KDM4C: variants seen among roughly 807,000 people sequenced by gnomAD.
The protein encoded by KDM4C is lysine demethylase 4C.
Under a neutral mutation model 129.3 loss-of-function variants are expected in KDM4C, and 81 were observed. That is an observed-to-expected ratio of 0.63 (90% CI 0.52 to 0.75). The LOEUF (loss-of-function observed/expected upper bound fraction) is 0.75, where lower values mean the gene tolerates loss of function less well. KDM4C is among the 30% of genes least tolerant of loss of function. The pLI is 0.00. For synonymous variants in KDM4C, 573 were observed against 456.1 expected, an observed-to-expected ratio of 1.26 and a Z score of -3.26; for missense variants, 1,457 against 1,304.0, an observed-to-expected ratio of 1.12 and a Z score of -1.81.
chr9:6,829,839 T>C (rs1834517246), intron 4 of KDM4C, among the ~76,000 whole-genome samples: 1 of 152,328 alleles, frequency 6.6e-6, no homozygotes, highest in African/African-American at 2.4e-5. Flanking sequence ...CAGTTCCTGC[T>C]TTGGGCCTGC....
At chr9:7,123,373 C>T (rs190525090) in intron 18 of KDM4C, among the ~76,000 whole-genome samples, 50 of 152,228 alleles carry the variant, frequency 3.3e-4, no homozygotes, top group African/African-American at 1.2e-3. Flanking sequence ...GCACACCTAG[C>T]CAAAGAAAGA....
chr9:7,047,009 C>G, intron 16 of KDM4C, 92 bp downstream of exon 16: 2 of 892,222 alleles, frequency 2.2e-6, no homozygotes, highest in Non-Finnish European at 3.6e-6. Context: ...TCTCATTGTA[C>G]ACGTGGTTTC....
intron 8 of KDM4C, among the ~76,000 whole-genome samples, chr9:6,913,599 T>G (rs1468085020): frequency 6.6e-6 from 1 of 152,220 alleles, no homozygotes; most frequent in Non-Finnish European, 1.5e-5. Flanking sequence ...CTTGTCCTCC[T>G]GCCCTGTTGG....
intron 1 of KDM4C, among the ~76,000 whole-genome samples, chr9:6,774,432 A>C (rs2130670906): frequency 6.6e-6 from 1 of 152,270 alleles, no homozygotes; most frequent in Admixed American, 6.5e-5. Flanking sequence ...TGGGAGGCCG[A>C]GGTGTGCGAA....
chr9:6,749,684 A>T (rs1304215893), intron 1 of KDM4C, among the ~76,000 whole-genome samples: 1 of 151,922 alleles, frequency 6.6e-6, no homozygotes, highest in Non-Finnish European at 1.5e-5. Flanking sequence ...ATAAAAAAAT[A>T]AAATTAAAAA....
chr9:7,037,805 A>G (rs1352024589), intron 15 of KDM4C, among the ~76,000 whole-genome samples: 3 of 152,148 alleles, frequency 2.0e-5, no homozygotes, highest in South Asian at 2.1e-4. Flanking sequence ...GCTGCCTTAT[A>G]GAGTAATCAT....
intron 6 of KDM4C, among the ~76,000 whole-genome samples, chr9:6,885,620 CAAAA>C (rs35373004): frequency 1.5e-5 from 2 of 135,804 alleles, no homozygotes; most frequent in African/African-American, 2.6e-5. Context: ...TTAAAAAAGA[CAAAA>C]AAAAAAAAAA....
At position 6,794,755 on chromosome 9, in the gene KDM4C, G is replaced by C. The variant is rs112670375; in HGVS notation, c.144+1623G>C. 2.0e-3 allele frequency among the ~76,000 whole-genome samples: 299 copies of C among 152,100 alleles called. 1 individual carries two copies. Among genetic ancestry groups the C allele is most frequent in the African/African-American group, 7.0e-3 (292 of 41,464 alleles). On this transcript the variant is annotated intron_variant, in intron 2 of 21. Transcript: ENST00000381309. ...CAGATAATATTCTTAAAAAAAAATG[G>C]TAGTGACTTAAGCCTTGTGGGTGTA...
At chr9:6,760,731 T>C (rs113441510) in intron 1 of KDM4C, among the ~76,000 whole-genome samples, 13,002 of 151,616 alleles carry the variant, frequency 0.086, 741 homozygotes, top group South Asian at 0.23. Flanking sequence ...CCACCATGCC[T>C]GGCTAATTTT....
chr9:6,857,513 G>T (rs140667177), intron 5 of KDM4C, among the ~76,000 whole-genome samples: 361 of 152,170 alleles, frequency 2.4e-3, no homozygotes, highest in African/African-American at 8.3e-3. Context: ...GATCTCTGTG[G>T]ACCACTGCTC....
rs566543486 is a variant in KDM4C, at chr9:7,087,537, T to C, written c.2425-16148T>C. Among the ~76,000 whole-genome samples, 14 of 152,298 alleles carry C rather than the reference T, an allele frequency of 9.2e-5. No homozygotes were observed. In the East Asian group the frequency reaches 2.7e-3, roughly 29 times the overall value. Reference sequence around the variant, plus strand: ...TTAGAGTCTTGTCATAGGAAATTTTTTAAAAAAATTAAACTTCAATTAATA... The same window carrying C: ...TTAGAGTCTTGTCATAGGAAATTTTCTAAAAAAATTAAACTTCAATTAATA... On this transcript the variant is annotated intron_variant, in intron 17 of 21. Coordinates refer to ENST00000381309, the MANE Select transcript of KDM4C (RefSeq NM_015061.6).
chr9:7,065,311 T>C (rs968744573), intron 17 of KDM4C, among the ~76,000 whole-genome samples: 1 of 152,120 alleles, frequency 6.6e-6, no homozygotes, highest in African/African-American at 2.4e-5. Context: ...CTTTCTTTAA[T>C]AATAAAATGT....
intron 5 of KDM4C, among the ~76,000 whole-genome samples, chr9:6,857,107 C>T (rs1396659624): frequency 2.6e-5 from 4 of 152,142 alleles, no homozygotes; most frequent in African/African-American, 9.7e-5. Context: ...AATCCTCCTG[C>T]CTTGGCCCCC....
At chr9:7,013,731 A>G in intron 13 of KDM4C, 57 bp from the exon 14 acceptor site, 1 of 1,528,246 alleles carries the variant, frequency 6.5e-7, no homozygotes. Flanking sequence ...TTGAGTGACT[A>G]GAATGATGAG....
rs149401397 is a variant in KDM4C at position 6,922,300 on chromosome 9, G to C, written c.921+29068G>C. 4.2e-3 allele frequency among the ~76,000 whole-genome samples: 633 copies of C among 152,264 alleles called. 3 individuals are homozygous for C. Among genetic ancestry groups the C allele is most frequent in the African/African-American group, 0.014 (576 of 41,536 alleles). On this transcript the variant is annotated intron_variant, in intron 8 of 21. Coordinates refer to ENST00000381309, the MANE Select transcript of KDM4C (RefSeq NM_015061.6). ...TAATTTCTTTTACCTTTGCCCTTAT[G>C]CAGGGCATGTGCATAGTACTATCAT...
At position 6,845,288 on chromosome 9, in the gene KDM4C, C is replaced by T. The variant is rs144196626; in HGVS notation, c.436-4219C>T. ...GAGTGCAGTGGCGCAATCACTGGCT[C>T]ACTCTAGCCTTGACCTTCTGGGCTC... On this transcript the variant is annotated intron_variant, in intron 4 of 21. Coordinates refer to ENST00000381309, the MANE Select transcript of KDM4C (RefSeq NM_015061.6). Among the ~76,000 whole-genome samples, 4 of 152,298 alleles carry T rather than the reference C, an allele frequency of 2.6e-5. No individual in the cohort carries two copies. The South Asian group carries it at 8.3e-4, about 32-fold the overall frequency.
rs546762915 is a variant in KDM4C, at chr9:6,801,335, C to G, written c.145-4264C>G. On this transcript the variant is annotated intron_variant, in intron 2 of 21. Coordinates refer to ENST00000381309, the MANE Select transcript of KDM4C (RefSeq NM_015061.6). ...TGGCGTGATCTTGGCTCACTGCAAG[C>G]TCTGCCTCCTGCCTCAGCCTCCAGA... 4.8e-3 allele frequency among the ~76,000 whole-genome samples: 690 copies of G among 143,834 alleles called. 4 individuals are homozygous for G. Among genetic ancestry groups the G allele is most frequent in the Admixed American group, 4.8e-3 (66 of 13,734 alleles). 94.4% of individuals were successfully genotyped at this position (143,834 alleles called of 152,430 possible). A position where few individuals can be genotyped will look rare whatever the true frequency, so the allele number is the denominator to read the frequency against.
chr9:6,770,868 C>G (rs1488523349), intron 1 of KDM4C, among the ~76,000 whole-genome samples: 1 of 150,338 alleles, frequency 6.7e-6, no homozygotes, highest in Non-Finnish European at 1.5e-5. Context: ...CTCTGCCTCC[C>G]CGGTTCAAGT....
intron 12 of KDM4C, among the ~76,000 whole-genome samples, chr9:7,010,206 G>C (rs1822438906): frequency 6.6e-6 from 1 of 152,132 alleles, no homozygotes; most frequent in African/African-American, 2.4e-5. Flanking sequence ...GTTACATTTA[G>C]AGTCAGATTA....
Sources: gnomAD v4.1 joint callset for allele counts (sites outside exome capture counted in the v4.1 genomes callset) on GRCh38, gnomAD v4.1.1 for gene constraint, MANE v1.5 for transcripts, NCBI Gene and HGNC (gene_info 2026-07-23, HGNC 2026-07-21) for gene names.